ACACA: variants seen among roughly 807,000 people sequenced by gnomAD.
ACACA encodes acetyl-CoA carboxylase alpha, also known as acetyl-CoA carboxylase 1.
ACACA carries 103 observed loss-of-function variants against 296.1 expected under a neutral mutation model. The ratio of observed to expected loss-of-function variants is 0.35; its 90% CI spans 0.30 to 0.41. The LOEUF (loss-of-function observed/expected upper bound fraction) is 0.41, where lower values mean the gene tolerates loss of function less well. Ranked by LOEUF, ACACA falls within the 10% of genes least tolerant of loss-of-function variation. The pLI is 1.00. For synonymous variants in ACACA, 953 were observed against 1,038.6 expected (o/e 0.92, Z 1.58); for missense variants, 1,554 against 2,989.7 (o/e 0.52, Z 11.20).
At chr17:37,158,903 C>T (rs1323237706) in intron 42 of ACACA, among the ~76,000 whole-genome samples, 2 of 151,924 alleles carry the variant, frequency 1.3e-5, no homozygotes, top group African/African-American at 2.4e-5. Flanking sequence ...ACTGGCCAGG[C>T]ACAGTGGCTA....
intron 12 of ACACA, 25 bp from the exon 13 acceptor site, chr17:37,258,398 T>G (rs2081309463): frequency 6.2e-7 from 1 of 1,612,718 alleles, no homozygotes; most frequent in African/African-American, 1.3e-5. Flanking sequence ...AACACACATC[T>G]TTAATTTTTC....
intron 22 of ACACA, 47 bp from the exon 23 acceptor site, chr17:37,242,100 G>T: frequency 1.4e-6 from 2 of 1,448,486 alleles, no homozygotes; most frequent in African/African-American, 1.4e-5. Context: ...CCAACAAAAT[G>T]CCCCAAAGCA....
At chr17:37,399,482 C>G (rs887248074) in intron 1 of ACACA, among the ~76,000 whole-genome samples, 4 of 152,198 alleles carry the variant, frequency 2.6e-5, no homozygotes, top group African/African-American at 9.6e-5. Context: ...CCTGTTTTGA[C>G]AGTCACAAGA....
chr17:37,218,147 C>CAAAAAAAAAAAAAA (rs60487601), intron 29 of ACACA, among the ~76,000 whole-genome samples: 1 of 116,626 alleles, frequency 8.6e-6, no homozygotes, highest in Non-Finnish European at 1.7e-5. Context: ...CTACCAGTAA[C>CAAAAAAAAAAAAAA]AAAAAAAAAA....
At chr17:37,352,345 G>A (rs975729343) in intron 1 of ACACA, among the ~76,000 whole-genome samples, 7 of 152,118 alleles carry the variant, frequency 4.6e-5, no homozygotes, top group African/African-American at 1.7e-4. Flanking sequence ...ATGCCATTTT[G>A]TGAATTCAGA....
intron 3 of ACACA, among the ~76,000 whole-genome samples, chr17:37,329,435 T>A (rs1038543038): frequency 1.8e-4 from 27 of 152,190 alleles, no homozygotes; most frequent in Admixed American, 5.2e-4. Context: ...AGGTCAGGAA[T>A]TCGAGACCAG....
intron 3 of ACACA, among the ~76,000 whole-genome samples, chr17:37,303,397 T>C (rs2083722513): frequency 6.6e-6 from 1 of 152,366 alleles, no homozygotes; most frequent in South Asian, 2.1e-4. Flanking sequence ...CATCATCAGT[T>C]AATGGATATT....
At chr17:37,313,527 A>G (rs1024234573) in intron 3 of ACACA, among the ~76,000 whole-genome samples, 1 of 152,210 alleles carries the variant, frequency 6.6e-6, no homozygotes, top group African/African-American at 2.4e-5. Context: ...CTGAATACAC[A>G]TTTCTCAAAA....
At chr17:37,091,655 T>C (rs922815296) in intron 54 of ACACA, among the ~76,000 whole-genome samples, 7 of 152,176 alleles carry the variant, frequency 4.6e-5, no homozygotes, top group African/African-American at 1.4e-4. Context: ...TCACAGCTCA[T>C]TGCAGCCCGA....
Position 37,225,264 on chromosome 17 carries a change from A to G in ACACA, c.3361-159T>C, listed in dbSNP as rs182412549. 3.5e-4 allele frequency: 213 copies of G among 616,054 alleles called. No individual in the cohort carries two copies. The Admixed American group carries it at 5.0e-3, about 14-fold the overall frequency. The allele number at this position is 616,054 out of a possible 1,614,324, so 38.2% of individuals were successfully genotyped here. On this transcript the variant is annotated intron_variant, in intron 26 of 55. Transcript: ENST00000616317. ...TAAAACAACTTCTAGGTCCTGTAAC[A>G]TAAAGCCAGTGCCACCAAATACTGA...
chr17:37,146,669 A>C (rs879059399), intron 45 of ACACA, among the ~76,000 whole-genome samples: 1 of 18,312 alleles, frequency 5.5e-5, no homozygotes, highest in African/African-American at 1.0e-4. Flanking sequence ...GTGGGGGGGA[A>C]GGGGGGGGCA....
chr17:37,211,220 A>G (rs764463857), intron 29 of ACACA, among the ~76,000 whole-genome samples: 93 of 152,362 alleles, frequency 6.1e-4, no homozygotes, highest in South Asian at 2.1e-4. Flanking sequence ...GTTTAGGGTC[A>G]TAATGATTTT....
intron 4 of ACACA, among the ~76,000 whole-genome samples, chr17:37,283,796 G>C (rs2082652021): frequency 1.3e-5 from 2 of 152,190 alleles, no homozygotes; most frequent in Non-Finnish European, 2.9e-5. Flanking sequence ...CTTCTCTGTT[G>C]CAATAAAATG....
chr17:37,255,253 G>A (rs938809943), intron 14 of ACACA, among the ~76,000 whole-genome samples: 2 of 152,136 alleles, frequency 1.3e-5, no homozygotes, highest in African/African-American at 4.8e-5. Flanking sequence ...ACACAGTCCT[G>A]TTCTCATGGT....
At chr17:37,314,104 C>CTTTTTTTTTTTTT (rs34202919) in intron 3 of ACACA, among the ~76,000 whole-genome samples, 2 of 134,006 alleles carry the variant, frequency 1.5e-5, no homozygotes. Context: ...ACTATATATT[C>CTTTTTTTTTTTTT]TTTTTTTTTT....
At chr17:37,221,617 C>G in intron 29 of ACACA, 107 bp downstream of exon 29, 1 of 978,250 alleles carries the variant, frequency 1.0e-6, no homozygotes. Context: ...CATTTTTTGC[C>G]CTACATTTCT....
At chr17:37,185,101 G>T (rs1286044300) in intron 39 of ACACA, among the ~76,000 whole-genome samples, 1 of 152,202 alleles carries the variant, frequency 6.6e-6, no homozygotes, top group Non-Finnish European at 1.5e-5. Context: ...GCGAATAAGA[G>T]AACTTTCTGC....
chr17:37,161,660 A>G, intron 42 of ACACA, 121 bp downstream of exon 42: 1 of 1,192,296 alleles, frequency 8.4e-7, no homozygotes, highest in South Asian at 1.4e-5. Context: ...AATTTTGTTT[A>G]TATTTAATTT....
chr17:37,328,153 A>G (rs2047704672), intron 3 of ACACA, among the ~76,000 whole-genome samples: 1 of 152,238 alleles, frequency 6.6e-6, no homozygotes, highest in Non-Finnish European at 1.5e-5. Context: ...TGGACGGGAA[A>G]GTAGAGTAGA....
Sources: gnomAD v4.1 joint callset for allele counts (sites outside exome capture counted in the v4.1 genomes callset) on GRCh38, gnomAD v4.1.1 for gene constraint, MANE v1.5 for transcripts, NCBI Gene and HGNC (gene_info 2026-07-23, HGNC 2026-07-21) for gene names.